BATF: variants seen among roughly 807,000 people sequenced by gnomAD.
BATF encodes basic leucine zipper ATF-like transcription factor.
A neutral mutation model predicts 13.7 loss-of-function variants in BATF; 5 were observed. The observed-to-expected ratio is 0.36, with a 90% CI of 0.19 to 0.77. BATF has a LOEUF of 0.77. Among genes scored for constraint, BATF ranks in the 30% least tolerant of loss-of-function variants. The pLI is 0.51. For missense variants in BATF, 124 were observed against 163.0 expected (o/e 0.76, Z 1.30); for synonymous variants, 72 against 67.5 (o/e 1.07, Z -0.33).
At chr14:75,539,629 C>T (rs374943937) in intron 2 of BATF, among the ~76,000 whole-genome samples, 6 of 152,070 alleles carry the variant, frequency 3.9e-5, no homozygotes, top group South Asian at 4.2e-4. Flanking sequence ...CCTGAGGGCA[C>T]GGCTGATGTG....
At chr14:75,527,559 C>G (rs1887671886) in intron 2 of BATF, among the ~76,000 whole-genome samples, 2 of 152,228 alleles carry the variant, frequency 1.3e-5, no homozygotes, top group Non-Finnish European at 2.9e-5. Context: ...ATGAGGGTGA[C>G]ACAGATGTCT....
chr14:75,545,365 G>A (rs959726223), intron 2 of BATF, among the ~76,000 whole-genome samples: 1 of 150,166 alleles, frequency 6.7e-6, no homozygotes, highest in African/African-American at 2.5e-5. Context: ...GGGATTACAG[G>A]TGTGCACCAC....
chr14:75,527,733 T>C (rs1384553554), intron 2 of BATF, among the ~76,000 whole-genome samples: 1 of 152,146 alleles, frequency 6.6e-6, no homozygotes, highest in East Asian at 1.9e-4. Flanking sequence ...AGTCAACATA[T>C]CCATAGCCAC....
chr14:75,538,474 C>T (rs1442207723), intron 2 of BATF, among the ~76,000 whole-genome samples: 1 of 152,152 alleles, frequency 6.6e-6, no homozygotes, highest in East Asian at 1.9e-4. Flanking sequence ...ACATTTGCAG[C>T]CTATCAGGTC....
At position 75,546,892 on chromosome 14, in the gene BATF, G is replaced by A. The variant is rs1475263091; in HGVS notation, c.*221G>A. 2.4e-5 allele frequency: 17 copies of A among 718,844 alleles called. No individual in the cohort carries two copies. In the Admixed American group the frequency reaches 3.0e-4, roughly 13 times the overall value. The allele number at this position is 718,844 out of a possible 1,614,324, so 44.5% of individuals were successfully genotyped here. A position where few individuals can be genotyped will look rare whatever the true frequency, so the allele number is the denominator to read the frequency against. Reference sequence around the variant, plus strand: ...TGGACCCCACCACTGTGGGTTGCAGGCCCAATGCAGAAGAGTATTAAGAAA... The same window carrying A: ...TGGACCCCACCACTGTGGGTTGCAGACCCAATGCAGAAGAGTATTAAGAAA... On this transcript the variant is annotated 3_prime_UTR_variant, in exon 3 of 3. Transcript: ENST00000286639.
chr14:75,529,195 CA>C (rs1887697094), intron 2 of BATF, among the ~76,000 whole-genome samples: 1 of 152,076 alleles, frequency 6.6e-6, no homozygotes, highest in African/African-American at 2.4e-5. Flanking sequence ...AACTGACCAA[CA>C]TATTAAAGTG....
chr14:75,530,058 C>T (rs1887711569), intron 2 of BATF, among the ~76,000 whole-genome samples: 1 of 73,948 alleles, frequency 1.4e-5, no homozygotes, highest in East Asian at 2.9e-4. Flanking sequence ...AGCGAGACTC[C>T]GTCAAAAAAA....
intron 2 of BATF, among the ~76,000 whole-genome samples, chr14:75,542,948 G>T (rs1887918708): frequency 6.6e-6 from 1 of 152,220 alleles, no homozygotes; most frequent in African/African-American, 2.4e-5. Context: ...CCAGCCTCTA[G>T]GCGGGGAGAA....
intron 2 of BATF, among the ~76,000 whole-genome samples, chr14:75,538,210 A>G (rs1012371588): frequency 2.0e-5 from 3 of 152,178 alleles, no homozygotes; most frequent in Non-Finnish European, 2.9e-5. Context: ...CCTCCTGCCA[A>G]AGAAGCCTCC....
chr14:75,538,019 T>C (rs923978099), intron 2 of BATF, among the ~76,000 whole-genome samples: 6 of 152,140 alleles, frequency 3.9e-5, no homozygotes, highest in Non-Finnish European at 8.8e-5. Flanking sequence ...AGTGCAGTGG[T>C]GCGATCATGG....
intron 2 of BATF, among the ~76,000 whole-genome samples, chr14:75,541,263 G>A (rs953626138): frequency 2.0e-5 from 3 of 152,202 alleles, no homozygotes; most frequent in Non-Finnish European, 1.5e-5. Context: ...CCAGTGTGTG[G>A]ATGAGGTTGA....
chr14:75,540,301 A>T (rs1332799426), intron 2 of BATF, among the ~76,000 whole-genome samples: 2 of 151,526 alleles, frequency 1.3e-5, no homozygotes, highest in Non-Finnish European at 2.9e-5. Flanking sequence ...TCTGTGAGTG[A>T]CCCCCTCCTA....
chr14:75,538,799 G>A (rs1242731042), intron 2 of BATF, among the ~76,000 whole-genome samples: 1 of 152,190 alleles, frequency 6.6e-6, no homozygotes, highest in African/African-American at 2.4e-5. Context: ...TACTAGGGAG[G>A]CTGAGGCAGG....
intron 2 of BATF, among the ~76,000 whole-genome samples, chr14:75,544,843 T>C (rs1024617911): frequency 2.7e-5 from 4 of 150,280 alleles, no homozygotes; most frequent in African/African-American, 4.9e-5. Flanking sequence ...GCCTTTCCTC[T>C]GTGGTTACCA....
rs186906403 is a variant in BATF, at chr14:75,540,246, C to T, written c.169-6216C>T. ...CTTGGTCTTCGTCCCTAATGGCTCC[C>T]GGCGGGTGAGGGAACTGCCTGGGGA... On this transcript the variant is annotated intron_variant, in intron 2 of 2. Coordinates refer to ENST00000286639, the MANE Select transcript of BATF (RefSeq NM_006399.5). Among the ~76,000 whole-genome samples, 415 of 152,250 alleles carry T rather than the reference C, an allele frequency of 2.7e-3. 1 individual carries two copies. Among genetic ancestry groups the T allele is most frequent in the Non-Finnish European group, 4.4e-3 (302 of 68,000 alleles).
At chr14:75,538,840 G>T (rs1325530890) in intron 2 of BATF, among the ~76,000 whole-genome samples, 1 of 152,246 alleles carries the variant, frequency 6.6e-6, no homozygotes, top group African/African-American at 2.4e-5. Flanking sequence ...GGCGGAGCTT[G>T]CAATGAGCCG....
chr14:75,525,031 C>A, intron 1 of BATF, 53 bp from the exon 2 acceptor site: 1 of 1,472,086 alleles, frequency 6.8e-7, no homozygotes, highest in Non-Finnish European at 9.4e-7. Context: ...AGCCTGCTTT[C>A]ACTCAGAAGG....
intron 2 of BATF, among the ~76,000 whole-genome samples, chr14:75,543,830 A>C (rs1887940215): frequency 6.7e-6 from 1 of 149,924 alleles, no homozygotes; most frequent in African/African-American, 2.4e-5. Flanking sequence ...GACTGTCTCA[A>C]AAAAAAAAAC....
chr14:75,533,704 G>A (rs1422729922), intron 2 of BATF, among the ~76,000 whole-genome samples: 1 of 152,130 alleles, frequency 6.6e-6, no homozygotes, highest in African/African-American at 2.4e-5. Context: ...CAGATTGTGG[G>A]ATATCTGTAG....
Sources: allele counts gnomAD v4.1 joint callset (sites outside exome capture counted in the v4.1 genomes callset), GRCh38; gene constraint gnomAD v4.1.1; transcripts MANE v1.5; gene names NCBI Gene and HGNC (gene_info 2026-07-23, HGNC 2026-07-21).